The following LAMA2 variants were observed in gnomAD, a reference collection of about 807,000 sequenced individuals.
The protein encoded by LAMA2 is laminin subunit alpha 2.
Under a neutral mutation model 364.8 loss-of-function variants are expected in LAMA2, and 269 were observed. That is an observed-to-expected ratio of 0.74 (90% confidence interval 0.67 to 0.82). The LOEUF (loss-of-function observed/expected upper bound fraction) is 0.82, where lower values mean the gene tolerates loss of function less well. LAMA2 is among the 40% of genes least tolerant of loss of function. LAMA2 has a pLI of 0.00. For missense variants in LAMA2, 3,807 were observed against 3,873.2 expected, an observed-to-expected ratio of 0.98 and a Z score of 0.45; for synonymous variants, 1,379 against 1,370.6, an observed-to-expected ratio of 1.01 and a Z score of -0.14.
intron 2 of LAMA2, among the ~76,000 whole-genome samples, chr6:129,053,760 C>T (rs1157383105): frequency 6.6e-6 from 1 of 152,132 alleles, no homozygotes; most frequent in Non-Finnish European, 1.5e-5. Flanking sequence ...TGGCAAGAGG[C>T]ACACTGAAGA....
chr6:129,424,397 T>A (rs1275512180), intron 40 of LAMA2, among the ~76,000 whole-genome samples: 1 of 150,802 alleles, frequency 6.6e-6, no homozygotes. Flanking sequence ...ATTGAGAACT[T>A]CTTCCCTTCA....
At position 128,932,583 on chromosome 6, in the gene LAMA2, G is replaced by T. The variant is rs532851918; in HGVS notation, c.112+49226G>T. On this transcript the variant is annotated intron_variant, in intron 1 of 64. Coordinates refer to ENST00000421865, the MANE Select transcript of LAMA2 (RefSeq NM_000426.4). The stretch of plus-strand genomic sequence containing the variant: ...TGGAACATGAATAGTATAGGAAAAT[G>T]GTCCTTAGGAAGGCCAGACATGAGA... Among the ~76,000 whole-genome samples, 6 of 152,228 alleles carry T rather than the reference G, an allele frequency of 3.9e-5. 1 individual carries two copies. The South Asian group carries it at 1.2e-3, about 32-fold the overall frequency.
Position 129,252,288 on chromosome 6 carries a change from A to G in LAMA2, c.2089A>G (p.Ile697Val), listed in dbSNP as rs778059153. ...QITYSFGMDA[I>V]FRLSSVNLES... ...CACATACAGCTTTGGGATGGATGCC[A>G]TCTTCAGGTAAAATCAAGAACTGCA... The change falls in exon 14 of 65, where the codon ATC becomes GTC. Residue 697 changes from isoleucine to valine, a missense_variant. Around this residue, in one of 3 missense-constraint regions of LAMA2, gnomAD observed 3,333 missense variants for 3,345.7 expected, o/e 1.00. Transcript: ENST00000421865. 5.0e-6 allele frequency: 8 copies of G among 1,612,204 alleles called. No individual in the cohort carries two copies. Among genetic ancestry groups the G allele is most frequent in the Admixed American group, 1.7e-5 (1 of 60,000 alleles).
At chr6:129,215,170 T>G (rs1783347435) in intron 12 of LAMA2, among the ~76,000 whole-genome samples, 1 of 152,204 alleles carries the variant, frequency 6.6e-6, no homozygotes, top group Non-Finnish European at 1.5e-5. Flanking sequence ...TTGCTCTGCC[T>G]GAGTATCTTG....
chr6:128,916,051 T>C (rs1778291615), intron 1 of LAMA2, among the ~76,000 whole-genome samples: 1 of 152,186 alleles, frequency 6.6e-6, no homozygotes, highest in East Asian at 1.9e-4. Context: ...ATTATTTACA[T>C]GTTGGCTGAT....
In LAMA2 at chr6:129,391,540, C is replaced by T. The variant is rs151199929; in HGVS notation, c.5121C>T (p.Asp1707=). ...TAAATGAAACTCTAGGAACTCGAGACGAGGCCTTTGAGAGAAATTTGGAAG... is the reference window on the plus strand; with the variant it reads ...TAAATGAAACTCTAGGAACTCGAGATGAGGCCTTTGAGAGAAATTTGGAAG... ...IKLNETLGTR[D]EAFERNLEGL... is the part of the protein sequence containing the mutation. The change falls in exon 36 of 65, where the codon GAC becomes GAT. Residue 1707 remains aspartate, a synonymous_variant. Transcript: ENST00000421865. 167 of 1,613,694 alleles carry T rather than the reference C, an allele frequency of 1.0e-4. No individual in the cohort carries two copies. The African/African-American group carries it at 1.7e-3, about 16-fold the overall frequency.
intron 12 of LAMA2, among the ~76,000 whole-genome samples, chr6:129,236,942 C>T (rs1785036724): frequency 6.6e-6 from 1 of 152,094 alleles, no homozygotes; most frequent in Admixed American, 6.5e-5. Context: ...TGAATGAATG[C>T]ACTCAAACGT....
At position 129,516,494 on chromosome 6, in the gene LAMA2, CTCCAGACTGAA is replaced by C; in HGVS notation, c.*149_*159del. 2 of 755,916 alleles carry C rather than the reference CTCCAGACTGAA, an allele frequency of 2.6e-6. No homozygotes were observed. The highest frequency in any genetic ancestry group is 4.5e-6 in the Non-Finnish European group (2 of 446,432). 46.8% of individuals were successfully genotyped at this position (755,916 alleles called of 1,614,324 possible). On this transcript the variant is annotated 3_prime_UTR_variant, in exon 65 of 65. Transcript: ENST00000421865. ...TGTATTCAGATGGTGCTAATTCAGA[CTCCAGACTGAA>C]TTTTAATTCAAGTTCTTTCTCAAGT...
intron 3 of LAMA2, among the ~76,000 whole-genome samples, chr6:129,076,103 T>A (rs1773617413): frequency 6.6e-6 from 1 of 151,780 alleles, no homozygotes; most frequent in Admixed American, 6.6e-5. Context: ...AACAAAAAAA[T>A]TATTCAAGTG....
At chr6:129,254,888 T>G (rs1316274767) in intron 14 of LAMA2, among the ~76,000 whole-genome samples, 1 of 152,164 alleles carries the variant, frequency 6.6e-6, no homozygotes, top group East Asian at 1.9e-4. Flanking sequence ...CTGCACAAAG[T>G]GTATTTTCCT....
intron 1 of LAMA2, among the ~76,000 whole-genome samples, chr6:128,924,862 C>T (rs1778988108): frequency 6.6e-6 from 1 of 152,138 alleles, no homozygotes; most frequent in Non-Finnish European, 1.5e-5. Context: ...ATCAACAAGC[C>T]TTTTACAGAA....
chr6:129,005,243 C>G (rs1291579562), intron 1 of LAMA2, among the ~76,000 whole-genome samples: 1 of 151,862 alleles, frequency 6.6e-6, no homozygotes, highest in Non-Finnish European at 1.5e-5. Context: ...TTAATTCTCC[C>G]TCTCTTCCCA....
chr6:128,910,911 G>T (rs1329960496), intron 1 of LAMA2, among the ~76,000 whole-genome samples: 2 of 151,596 alleles, frequency 1.3e-5, no homozygotes, highest in East Asian at 3.9e-4. Flanking sequence ...AGGTGTCAGT[G>T]TGCCCCTGCT....
intron 4 of LAMA2, among the ~76,000 whole-genome samples, chr6:129,120,147 G>A (rs1054671627): frequency 6.6e-6 from 1 of 152,156 alleles, no homozygotes. Flanking sequence ...ATTCCAGCCT[G>A]AGTCCCTCAG....
intron 1 of LAMA2, among the ~76,000 whole-genome samples, chr6:129,048,477 TTTCTTTCTTTCTTTCTTTCC>T (rs1298955183): frequency 6.6e-4 from 45 of 67,876 alleles, no homozygotes; most frequent in Admixed American, 1.3e-3. Flanking sequence ...TCTTTCTTTC[TTTCTTTCTTTCTTTCTTTCC>T]TTCCTTCCTT....
In LAMA2 at chr6:129,084,890, T is replaced by C. The variant is rs77364190; in HGVS notation, c.397-13283T>C. Among the ~76,000 whole-genome samples the C allele has an allele frequency of 6.3e-3, 960 of 152,334 alleles. 9 individuals are homozygous for C. The highest frequency in any genetic ancestry group is 0.022 in the African/African-American group (930 of 41,582). The stretch of plus-strand genomic sequence containing the variant: ...ACTTCATTAAAGTATTTTTATGATA[T>C]CTGTTTACACATATGTTCATAGTAG... On this transcript the variant is annotated intron_variant, in intron 3 of 64. Transcript: ENST00000421865.
Position 129,034,835 on chromosome 6 carries a change from T to C in LAMA2, c.113-15083T>C, listed in dbSNP as rs76996067. On this transcript the variant is annotated intron_variant, in intron 1 of 64. Transcript: ENST00000421865. ...TTTTTTATGGCTGCACAGTATTCCA[T>C]GGTGTTCATATACCACACCACATTT... 2.0e-5 allele frequency among the ~76,000 whole-genome samples: 3 copies of C among 152,200 alleles called. No individual in the cohort carries two copies. The East Asian group carries it at 5.8e-4, about 29-fold the overall frequency.
chr6:129,249,998 C>A, intron 12 of LAMA2, 114 bp from the exon 13 acceptor site: 1 of 734,684 alleles, frequency 1.4e-6, no homozygotes, highest in Non-Finnish European at 2.5e-6. Context: ...GTGATTTCTG[C>A]GTCTTGCAAA....
intron 3 of LAMA2, among the ~76,000 whole-genome samples, chr6:129,074,416 C>G (rs957500822): frequency 6.6e-6 from 1 of 152,154 alleles, no homozygotes; most frequent in African/African-American, 2.4e-5. Context: ...GCTGAACACA[C>G]TAAGATGTAG....
Sources: gnomAD v4.1 joint callset for allele counts (sites outside exome capture counted in the v4.1 genomes callset) on GRCh38, gnomAD v4.1.1 for gene constraint, gnomAD v4.1.1 regional missense constraint, MANE v1.5 for transcripts, NCBI Gene and HGNC (gene_info 2026-07-23, HGNC 2026-07-21) for gene names.